CDH13: variants seen among roughly 807,000 people sequenced by gnomAD.
The protein encoded by CDH13 is cadherin-13.
In CDH13, 24 loss-of-function variants were observed where a neutral mutation model predicts 63.8. That is an observed-to-expected ratio of 0.38 (90% CI 0.27 to 0.53). The LOEUF is 0.53. Ranked by LOEUF, CDH13 falls within the 20% of genes least tolerant of loss-of-function variation. CDH13 has a pLI of 0.85. For missense variants in CDH13, 1,049 were observed against 903.1 expected, an observed-to-expected ratio of 1.16 and a Z score of -2.07; for synonymous variants, 503 against 355.3, an observed-to-expected ratio of 1.42 and a Z score of -4.67.
chr16:83,657,293 A>G (rs923027365), intron 8 of CDH13, among the ~76,000 whole-genome samples: 1 of 152,198 alleles, frequency 6.6e-6, no homozygotes, highest in Admixed American at 6.5e-5. Context: ...CCTGGCCACC[A>G]TGTCTCTGGG....
chr16:83,299,497 C>T (rs1340119097), intron 5 of CDH13, among the ~76,000 whole-genome samples: 1 of 152,202 alleles, frequency 6.6e-6, no homozygotes, highest in Non-Finnish European at 1.5e-5. Context: ...ATCTGCTTTT[C>T]CGTGGCATGT....
At chr16:82,985,192 A>G (rs1475770427) in intron 2 of CDH13, among the ~76,000 whole-genome samples, 1 of 152,230 alleles carries the variant, frequency 6.6e-6, no homozygotes, top group Non-Finnish European at 1.5e-5. Context: ...TGACTTCTTC[A>G]GGATGCACAG....
intron 7 of CDH13, among the ~76,000 whole-genome samples, chr16:83,560,906 C>T (rs1408667142): frequency 1.3e-5 from 2 of 151,866 alleles, no homozygotes; most frequent in African/African-American, 4.8e-5. Flanking sequence ...TTGGCCCCCC[C>T]CCCGCCCCAG....
intron 10 of CDH13, among the ~76,000 whole-genome samples, chr16:83,743,220 A>G (rs1313142018): frequency 6.6e-6 from 1 of 152,206 alleles, no homozygotes; most frequent in Non-Finnish European, 1.5e-5. Flanking sequence ...AAAATAAAAT[A>G]AAATAAGCAA....
At chr16:83,349,816 G>A (rs975177729) in intron 6 of CDH13, among the ~76,000 whole-genome samples, 2 of 152,056 alleles carry the variant, frequency 1.3e-5, no homozygotes, top group African/African-American at 2.4e-5. Flanking sequence ...GGCCAGGCTG[G>A]TCTTGAACTC....
At chr16:83,275,760 T>C (rs1479029384) in intron 5 of CDH13, among the ~76,000 whole-genome samples, 1 of 152,116 alleles carries the variant, frequency 6.6e-6, no homozygotes, top group Non-Finnish European at 1.5e-5. Context: ...GCCCACTTTA[T>C]GGGAATTAAA....
At chr16:83,103,899 G>A (rs1175568209) in intron 3 of CDH13, among the ~76,000 whole-genome samples, 2 of 152,324 alleles carry the variant, frequency 1.3e-5, no homozygotes, top group Non-Finnish European at 2.9e-5. Flanking sequence ...AGAGTTCAGT[G>A]TGAAGTATTT....
rs1302925344 is a variant in CDH13, at chr16:83,217,407, A to G, written c.546A>G (p.Gln182=). The change falls in exon 5 of 14, where the codon CAA becomes CAG. Residue 182 remains glutamine, a synonymous_variant. Coordinates refer to ENST00000567109, the MANE Select transcript of CDH13 (RefSeq NM_001257.5). ...GGCTCACTGGAAAGGGAGTGGATCA[A>G]GAGCCTAAAGGAATTTTCAGAATCA... The part of the protein sequence containing the change: ...KFRLTGKGVD[Q]EPKGIFRINE... 6.2e-7 allele frequency: 1 copy of G among 1,614,018 alleles called. No homozygotes were observed. The highest frequency in any genetic ancestry group is 8.5e-7 in the Non-Finnish European group (1 of 1,179,858).
intron 3 of CDH13, among the ~76,000 whole-genome samples, chr16:83,108,513 C>T (rs1004571764): frequency 6.6e-6 from 1 of 152,194 alleles, no homozygotes; most frequent in South Asian, 2.1e-4. Flanking sequence ...ACCACAGAAA[C>T]AAGAGAGGCC....
intron 10 of CDH13, chr16:83,728,740 C>T (rs558392331): frequency 4.6e-5 from 7 of 152,212 alleles, no homozygotes; most frequent in South Asian, 2.1e-4. Flanking sequence ...GCTGATGTGA[C>T]GGGTTTTGAC....
At chr16:82,865,420 A>G (rs1410658148) in intron 2 of CDH13, among the ~76,000 whole-genome samples, 1 of 152,260 alleles carries the variant, frequency 6.6e-6, no homozygotes, top group Admixed American at 6.5e-5. Flanking sequence ...AAATCTAGGC[A>G]GAAGTTCCCA....
chr16:83,102,069 A>G (rs367713730), intron 3 of CDH13, among the ~76,000 whole-genome samples: 1 of 152,200 alleles, frequency 6.6e-6, no homozygotes, highest in Non-Finnish European at 1.5e-5. Flanking sequence ...TCAGAGCCAG[A>G]AAGGGATTTG....
chr16:83,530,565 C>G (rs183126198), intron 7 of CDH13, among the ~76,000 whole-genome samples: 1 of 152,330 alleles, frequency 6.6e-6, no homozygotes, highest in Admixed American at 6.5e-5. Context: ...TGTGAGTCTA[C>G]TCCTTCTATA....
At position 83,396,549 on chromosome 16, in the gene CDH13, C is replaced by A. The variant is rs1296820249; in HGVS notation, c.781+51543C>A. The A allele has an allele frequency of 2.0e-5, 3 of 152,162 alleles. No homozygotes were observed. In the East Asian group the frequency reaches 5.8e-4, roughly 29 times the overall value. 9.4% of individuals were successfully genotyped at this position (152,162 alleles called of 1,614,324 possible). ...GACCTTATTTTGAATTATGGTGGTA[C>A]TTTAAATTTTATGTCCCTGAAGGGT... On this transcript the variant is annotated intron_variant, in intron 6 of 13. Transcript: ENST00000567109.
intron 1 of CDH13, among the ~76,000 whole-genome samples, chr16:82,628,068 G>A (rs1009733892): frequency 1.4e-4 from 21 of 152,242 alleles, no homozygotes; most frequent in African/African-American, 4.3e-4. Flanking sequence ...GAGATTTCGG[G>A]AAGTTTGAGT....
chr16:83,432,994 A>G lies in CDH13; in HGVS notation c.782-53483A>G, dbSNP rs187905282. On this transcript the variant is annotated intron_variant, in intron 6 of 13. Transcript: ENST00000567109. ...ATGGGCTAAGGAGTATTACTTATCC[A>G]TGCTGTTGCAGGAGGTCTCCTACTG... is the stretch of plus-strand genomic sequence containing the variant. Among the ~76,000 whole-genome samples, 35 of 152,324 alleles carry G rather than the reference A, an allele frequency of 2.3e-4. 1 individual carries two copies. The highest frequency in any genetic ancestry group is 6.8e-3 in the Middle Eastern group (2 of 294).
intron 5 of CDH13, among the ~76,000 whole-genome samples, chr16:83,259,228 G>A (rs1233772428): frequency 1.3e-5 from 2 of 152,180 alleles, no homozygotes; most frequent in African/African-American, 2.4e-5. Context: ...TCCTCTCTGA[G>A]CTTCAGTTTC....
chr16:83,383,781 T>C (rs2091617881), intron 6 of CDH13, among the ~76,000 whole-genome samples: 1 of 152,204 alleles, frequency 6.6e-6, no homozygotes, highest in Non-Finnish European at 1.5e-5. Context: ...ATGTTGTACC[T>C]TCCTGCCCAA....
At chr16:83,461,033 G>A (rs143894361) in intron 6 of CDH13, among the ~76,000 whole-genome samples, 46 of 138,568 alleles carry the variant, frequency 3.3e-4, no homozygotes, top group Non-Finnish European at 5.6e-4. Context: ...AACAAACACT[G>A]CAGATAGCCA....
Sources: gnomAD v4.1 joint callset for allele counts (sites outside exome capture counted in the v4.1 genomes callset) on GRCh38, gnomAD v4.1.1 for gene constraint, MANE v1.5 for transcripts, NCBI Gene and HGNC (gene_info 2026-07-23, HGNC 2026-07-21) for gene names.